MIA2: variants seen among roughly 807,000 people sequenced by gnomAD.
MIA2 encodes the protein melanoma inhibitory activity protein 2.
MIA2 carries 127 observed loss-of-function variants against 167.8 expected under a neutral mutation model. That is an observed-to-expected ratio of 0.76 (90% CI 0.66 to 0.88). MIA2 has a LOEUF of 0.88. MIA2 is among the 40% of genes least tolerant of loss of function. MIA2 has a pLI of 0.00. For missense variants in MIA2, 1,690 were observed against 1,624.7 expected (o/e 1.04, Z -0.69); for synonymous variants, 552 against 541.9 (o/e 1.02, Z -0.26).
At chr14:39,387,079 C>A in exon 24 of MIA2, 3 of 644,892 alleles carry the variant, frequency 4.7e-6, no homozygotes, top group Non-Finnish European at 8.1e-6. Context: ...GAAGCCTTGG[C>A]CTAACTGTCT....
chr14:39,288,101 A>T (rs992909272), intron 9 of MIA2, among the ~76,000 whole-genome samples: 1 of 152,100 alleles, frequency 6.6e-6, no homozygotes, highest in African/African-American at 2.4e-5. Context: ...TTGGGATTAC[A>T]GGCGTGAGCC....
At chr14:39,313,676 T>C (rs968782784) in intron 19 of MIA2, among the ~76,000 whole-genome samples, 5 of 152,182 alleles carry the variant, frequency 3.3e-5, no homozygotes. Flanking sequence ...GGTTGTGTGA[T>C]TTTTAAAATC....
chr14:39,265,292 G>A (rs2055416873), intron 6 of MIA2: 1 of 890,330 alleles, frequency 1.1e-6, no homozygotes, highest in African/African-American at 1.7e-5. Context: ...GGAAACAGAA[G>A]AGTGCAGGAT....
rs544904062 is a variant in MIA2, at chr14:39,303,088, T to G, written c.2741-390T>G. Among the ~76,000 whole-genome samples, 47 of 152,322 alleles carry G rather than the reference T, an allele frequency of 3.1e-4. No individual in the cohort carries two copies. In the East Asian group the frequency reaches 3.5e-3, roughly 11 times the overall value. The stretch of plus-strand genomic sequence containing the variant: ...CATTTCTACTTTATTATATATAAAA[T>G]AATCCTTTCTCTATTTGAGAAAACT... On this transcript the variant is annotated intron_variant, in intron 15 of 28. Transcript: ENST00000640607.
chr14:39,293,488 G>A, intron 11 of MIA2, 107 bp downstream of exon 11: 1 of 823,268 alleles, frequency 1.2e-6, no homozygotes, highest in Non-Finnish European at 1.8e-6. Flanking sequence ...AAAATGTAAA[G>A]AATACAGGTG....
chr14:39,268,691 C>G (rs1215323697), intron 6 of MIA2, among the ~76,000 whole-genome samples: 1 of 152,094 alleles, frequency 6.6e-6, no homozygotes, highest in East Asian at 1.9e-4. Context: ...TTGATAGTAG[C>G]ATGTAGATTA....
At chr14:39,267,590 T>C in intron 6 of MIA2, 1 of 1,580,748 alleles carries the variant, frequency 6.3e-7, no homozygotes, top group African/African-American at 1.3e-5. Flanking sequence ...AAGGAAGCAG[T>C]AGACCGGCTT....
At chr14:39,276,699 CTT>C (rs2058050767) in intron 6 of MIA2, 1 of 418,664 alleles carries the variant, frequency 2.4e-6, no homozygotes, top group African/African-American at 2.0e-5. Flanking sequence ...TCCTTGGAAA[CTT>C]TAAGTCACCT....
intron 12 of MIA2, among the ~76,000 whole-genome samples, chr14:39,294,491 C>A (rs530319652): frequency 6.6e-6 from 1 of 150,484 alleles, no homozygotes; most frequent in East Asian, 2.1e-4. Flanking sequence ...AGCCACCACA[C>A]CCAGCTTGTA....
intron 23 of MIA2, among the ~76,000 whole-genome samples, chr14:39,358,372 C>T (rs898341708): frequency 6.6e-6 from 1 of 152,210 alleles, no homozygotes; most frequent in Non-Finnish European, 1.5e-5. Context: ...GCATTCGTCA[C>T]GTAGTTCTTG....
At chr14:39,306,949 A>G (rs1323502604) in intron 17 of MIA2, among the ~76,000 whole-genome samples, 1 of 152,228 alleles carries the variant, frequency 6.6e-6, no homozygotes, top group Non-Finnish European at 1.5e-5. Flanking sequence ...TAAAGCATTC[A>G]TAATTATTTA....
chr14:39,381,308 T>C (rs1386786946), intron 23 of MIA2, among the ~76,000 whole-genome samples: 1 of 152,206 alleles, frequency 6.6e-6, no homozygotes, highest in Non-Finnish European at 1.5e-5. Context: ...TCAAAAAAGA[T>C]TCTAGGAGAG....
Position 39,308,592 on chromosome 14 carries a change from T to TA in MIA2, c.3017+10dup. ...AAATGAAATGAAACTCCACAGGTAA[T>TA]AAAAATTATGTTAACTCCATTGAAC... On this transcript the variant is annotated splice_donor_region_variant and intron_variant, in intron 18 of 28. Coordinates refer to ENST00000640607, the MANE Select transcript of MIA2 (RefSeq NM_001329214.4). 1.3e-6 allele frequency: 2 copies of TA among 1,540,820 alleles called. No individual in the cohort carries two copies. The highest frequency in any genetic ancestry group is 2.3e-5 in the East Asian group (1 of 42,648).
intron 23 of MIA2, among the ~76,000 whole-genome samples, chr14:39,372,319 G>A (rs563222752): frequency 4.6e-5 from 7 of 152,138 alleles, no homozygotes; most frequent in Admixed American, 6.5e-5. Context: ...AAAAGTTGAT[G>A]CAGGATAAAT....
intron 23 of MIA2, among the ~76,000 whole-genome samples, chr14:39,366,414 G>A (rs1255957774): frequency 6.6e-6 from 1 of 152,206 alleles, no homozygotes; most frequent in African/African-American, 2.4e-5. Context: ...TGTAGTGGTG[G>A]TAAGACAACT....
intron 23 of MIA2, among the ~76,000 whole-genome samples, chr14:39,372,058 G>C (rs528766984): frequency 6.6e-6 from 1 of 152,134 alleles, no homozygotes; most frequent in Non-Finnish European, 1.5e-5. Flanking sequence ...AATCCCCTTG[G>C]CTGGGGTATG....
chr14:39,246,168 C>T (rs2054298866), intron 3 of MIA2, among the ~76,000 whole-genome samples: 1 of 151,656 alleles, frequency 6.6e-6, no homozygotes, highest in Non-Finnish European at 1.5e-5. Context: ...GCGATCTTGG[C>T]TCACTGCAAC....
At chr14:39,245,974 T>C (rs1054645421) in intron 3 of MIA2, among the ~76,000 whole-genome samples, 3 of 152,178 alleles carry the variant, frequency 2.0e-5, no homozygotes. Context: ...TCTTAGGAGG[T>C]ACAAGATTTT....
chr14:39,262,811 C>G (rs1315960081), intron 6 of MIA2, among the ~76,000 whole-genome samples: 2 of 152,056 alleles, frequency 1.3e-5, no homozygotes, highest in African/African-American at 4.8e-5. Flanking sequence ...ATTTGGCTCT[C>G]TGTTTGTCTG....
Sources: gnomAD v4.1 joint callset for allele counts (sites outside exome capture counted in the v4.1 genomes callset) on GRCh38, gnomAD v4.1.1 for gene constraint, MANE v1.5 for transcripts, NCBI Gene and HGNC (gene_info 2026-07-23, HGNC 2026-07-21) for gene names.